ITPKB: variants seen among roughly 807,000 people sequenced by gnomAD.
ITPKB encodes IP3 3-kinase B.
ITPKB carries 13 observed loss-of-function variants against 69.4 expected under a neutral mutation model. That is an observed-to-expected ratio of 0.19 (90% CI 0.12 to 0.30). The LOEUF (loss-of-function observed/expected upper bound fraction) is 0.30, where lower values mean the gene tolerates loss of function less well. Among genes scored for constraint, ITPKB ranks in the 10% least tolerant of loss-of-function variants. The pLI, the probability that ITPKB is intolerant of heterozygous loss-of-function variation, is 1.00. For missense variants in ITPKB, 1,240 were observed against 1,250.5 expected, an observed-to-expected ratio of 0.99 and a Z score of 0.13; for synonymous variants, 584 against 513.7, an observed-to-expected ratio of 1.14 and a Z score of -1.85.
At chr1:226,689,426 G>GCCAGGTACTGTGGTAGGC (rs1327386197) in intron 2 of ITPKB, among the ~76,000 whole-genome samples, 1 of 152,202 alleles carries the variant, frequency 6.6e-6, no homozygotes, top group Non-Finnish European at 1.5e-5. Flanking sequence ...GCTGCTGCGG[G>GCCAGGTACTGTGGTAGGC]CCAGGTACTG....
intron 2 of ITPKB, among the ~76,000 whole-genome samples, chr1:226,699,728 A>AAAAG (rs915073221): frequency 6.0e-4 from 92 of 152,326 alleles, no homozygotes; most frequent in Admixed American, 1.7e-3. Context: ...CATTAATTAA[A>AAAAG]AAAGAAAGAA....
At chr1:226,649,866 T>A (rs1669152912) in intron 2 of ITPKB, among the ~76,000 whole-genome samples, 1 of 150,926 alleles carries the variant, frequency 6.6e-6, no homozygotes, top group East Asian at 2.0e-4. Context: ...AAAAAAAACA[T>A]ATTTTTAGAA....
At chr1:226,710,200 G>C (rs933023531) in intron 2 of ITPKB, among the ~76,000 whole-genome samples, 4 of 152,142 alleles carry the variant, frequency 2.6e-5, no homozygotes, top group Non-Finnish European at 5.9e-5. Flanking sequence ...ATGTCCCTCA[G>C]AAGAACAGAA....
chr1:226,722,515 C>T (rs1420573157), intron 2 of ITPKB, among the ~76,000 whole-genome samples: 1 of 152,182 alleles, frequency 6.6e-6, no homozygotes, highest in Non-Finnish European at 1.5e-5. Context: ...GCAAGGTAAA[C>T]AGCATCCCAG....
At position 226,736,299 on chromosome 1, in the gene ITPKB, G is replaced by A; in HGVS notation, c.1160C>T (p.Pro387Leu). The change falls in exon 2 of 8, where the codon CCT becomes CTT. Residue 387 changes from proline to leucine, a missense_variant. Physicochemically the swap from Pro to Leu is moderately conservative, Grantham distance 98. Around this residue, in one of 2 missense-constraint regions of ITPKB, gnomAD observed 992 missense variants for 853.8 expected, o/e 1.16. Transcript: ENST00000429204. ...LPCGMPGSGE[P>L]EVGKRPEETT... is the part of the protein sequence containing the mutation. The stretch of plus-strand genomic sequence containing the variant: ...CTCCTCTGGCCTTTTGCCCACTTCA[G>A]GCTCCCCAGAGCCCGGCATGCCACA... 3.7e-6 allele frequency: 6 copies of A among 1,606,244 alleles called. No individual in the cohort carries two copies. Among genetic ancestry groups the A allele is most frequent in the Non-Finnish European group, 5.1e-6 (6 of 1,177,044 alleles).
intron 2 of ITPKB, among the ~76,000 whole-genome samples, chr1:226,660,912 G>C (rs557370589): frequency 6.6e-6 from 1 of 152,246 alleles, no homozygotes; most frequent in East Asian, 1.9e-4. Context: ...CCTGCAACAC[G>C]CAGCAGATCC....
intron 2 of ITPKB, 115 bp from the exon 3 acceptor site, chr1:226,648,886 T>A (rs1226906676): frequency 2.6e-6 from 2 of 765,806 alleles, no homozygotes; most frequent in Non-Finnish European, 4.6e-6. Flanking sequence ...GGAAGGGCCC[T>A]TGACGGGCTC....
chr1:226,679,823 G>A (rs375127667), intron 2 of ITPKB, among the ~76,000 whole-genome samples: 4 of 152,146 alleles, frequency 2.6e-5, no homozygotes, highest in African/African-American at 9.7e-5. Flanking sequence ...CTCTAAATTC[G>A]ATTTTGCTGG....
rs926608043 is a variant in ITPKB at position 226,691,591 on chromosome 1, C to T, written c.1933-42820G>A. 6.6e-5 allele frequency among the ~76,000 whole-genome samples: 10 copies of T among 152,094 alleles called. No homozygotes were observed. In the South Asian group the frequency reaches 2.1e-3, roughly 32 times the overall value. ...CAGTATTTTGGCTGGTGCATTTGGC[C>T]CAATATAGAGCAGAGCAAAACATTT... On this transcript the variant is annotated intron_variant, in intron 2 of 7. Coordinates refer to ENST00000429204, the MANE Select transcript of ITPKB (RefSeq NM_002221.4).
At chr1:226,699,230 T>A (rs1656574170) in intron 2 of ITPKB, among the ~76,000 whole-genome samples, 1 of 152,242 alleles carries the variant, frequency 6.6e-6, no homozygotes, top group African/African-American at 2.4e-5. Flanking sequence ...TCAGCAATGC[T>A]ATAGAGAAAG....
chr1:226,696,318 CGTGT>C (rs58448161), intron 2 of ITPKB, among the ~76,000 whole-genome samples: 18 of 149,896 alleles, frequency 1.2e-4, no homozygotes, highest in East Asian at 5.9e-4. Flanking sequence ...TATAGATCTA[CGTGT>C]GTGTGTGTGT....
rs1352257034 is a variant in ITPKB, at chr1:226,633,724, A to G, written c.*947T>C. ...AGACCTGAGCTCCTCCCCTATTTCTATATCTGCAAGGGACTCTGGGCCCCA... is the reference window on the plus strand; with the variant it reads ...AGACCTGAGCTCCTCCCCTATTTCTGTATCTGCAAGGGACTCTGGGCCCCA... On this transcript the variant is annotated 3_prime_UTR_variant, in exon 8 of 8. Transcript: ENST00000429204. The G allele has an allele frequency of 6.6e-6, 1 of 152,164 alleles. No homozygotes were observed. Among genetic ancestry groups the G allele is most frequent in the Non-Finnish European group, 1.5e-5 (1 of 68,026 alleles). The allele number at this position is 152,164 out of a possible 1,614,324, so 9.4% of individuals were successfully genotyped here. A position where few individuals can be genotyped will look rare whatever the true frequency, so the allele number is the denominator to read the frequency against.
chr1:226,725,365 C>G (rs1457505275), intron 2 of ITPKB, among the ~76,000 whole-genome samples: 1 of 152,216 alleles, frequency 6.6e-6, no homozygotes, highest in Non-Finnish European at 1.5e-5. Flanking sequence ...GAAGGGAAAT[C>G]CAGCTCCGTG....
chr1:226,721,442 T>C (rs1657240642), intron 2 of ITPKB, among the ~76,000 whole-genome samples: 1 of 152,144 alleles, frequency 6.6e-6, no homozygotes, highest in South Asian at 2.1e-4. Context: ...TAAATACCTT[T>C]ATGGGGAACT....
intron 2 of ITPKB, among the ~76,000 whole-genome samples, chr1:226,726,512 C>T (rs982906426): frequency 2.6e-5 from 4 of 151,912 alleles, no homozygotes; most frequent in Admixed American, 6.6e-5. Flanking sequence ...GATGTCTCTA[C>T]TAAAAAATAA....
At chr1:226,643,483 C>T (rs9628652) in intron 4 of ITPKB, among the ~76,000 whole-genome samples, 8,485 of 152,250 alleles carry the variant, frequency 0.056, 815 homozygotes, top group African/African-American at 0.19. Flanking sequence ...AGGCCCCGCC[C>T]GCCTGCCCTC....
At chr1:226,711,964 G>A (rs1656971368) in intron 2 of ITPKB, among the ~76,000 whole-genome samples, 1 of 152,176 alleles carries the variant, frequency 6.6e-6, no homozygotes, top group Non-Finnish European at 1.5e-5. Flanking sequence ...TCTGCAAAAG[G>A]CCTCCCTGCG....
At chr1:226,638,157 G>C (rs1668878293) in intron 6 of ITPKB, among the ~76,000 whole-genome samples, 1 of 152,214 alleles carries the variant, frequency 6.6e-6, no homozygotes, top group African/African-American at 2.4e-5. Flanking sequence ...AGTGACAGCT[G>C]GCCGGGCCAG....
intron 4 of ITPKB, among the ~76,000 whole-genome samples, chr1:226,643,104 C>T (rs1292947950): frequency 6.6e-6 from 1 of 152,224 alleles, no homozygotes; most frequent in Non-Finnish European, 1.5e-5. Context: ...AACTCAACTG[C>T]CTCACGGCCC....
Sources: allele counts gnomAD v4.1 joint callset (sites outside exome capture counted in the v4.1 genomes callset), GRCh38; gene constraint gnomAD v4.1.1; regional missense constraint gnomAD v4.1.1; transcripts MANE v1.5; gene names NCBI Gene and HGNC (gene_info 2026-07-23, HGNC 2026-07-21).